The following TIFA variants were observed in gnomAD, a reference collection of about 807,000 sequenced individuals.
TIFA encodes TRAF interacting protein with forkhead associated domain.
For missense variants in TIFA, 186 were observed against 215.2 expected (o/e 0.86, Z 0.85); for synonymous variants, 75 against 79.2 (o/e 0.95, Z 0.28).
Position 112,277,686 on chromosome 4 carries a change from T to TCGCC in TIFA, c.*175_*176insGGCG. 2.5e-6 allele frequency: 1 copy of TCGCC among 406,674 alleles called. No individual in the cohort carries two copies. The highest frequency in any genetic ancestry group is 3.9e-6 in the Non-Finnish European group (1 of 255,574). The allele number at this position is 406,674 out of a possible 1,614,324, so 25.2% of individuals were successfully genotyped here. ...TTGTGTAGATCCAGAATACAACAGGTGACTAAGTTAATGACTAACACAATT... is the reference window on the plus strand; with the variant it reads ...TTGTGTAGATCCAGAATACAACAGGTCGCCGACTAAGTTAATGACTAACACAATT... On this transcript the variant is annotated 3_prime_UTR_variant, in exon 2 of 2. Coordinates refer to ENST00000361717, the MANE Select transcript of TIFA (RefSeq NM_052864.3).
Position 112,277,689 on chromosome 4 carries a change from C to CACCGTATCA in TIFA, c.*172_*173insTGATACGGT. The CACCGTATCA allele has an allele frequency of 2.2e-6, 1 of 445,520 alleles. No homozygotes were observed. Among genetic ancestry groups the CACCGTATCA allele is most frequent in the Non-Finnish European group, 3.6e-6 (1 of 280,962 alleles). The allele number at this position is 445,520 out of a possible 1,614,324, so 27.6% of individuals were successfully genotyped here. A position where few individuals can be genotyped will look rare whatever the true frequency, so the allele number is the denominator to read the frequency against. On this transcript the variant is annotated 3_prime_UTR_variant, in exon 2 of 2. Coordinates refer to ENST00000361717, the MANE Select transcript of TIFA (RefSeq NM_052864.3). ...TGTAGATCCAGAATACAACAGGTGA[C>CACCGTATCA]TAAGTTAATGACTAACACAATTTAC...
At chr4:112,283,687 A>T (rs1210955566) in intron 1 of TIFA, among the ~76,000 whole-genome samples, 1 of 152,232 alleles carries the variant, frequency 6.6e-6, no homozygotes, top group Admixed American at 6.5e-5. Flanking sequence ...TCAAAGAAAC[A>T]GGGCAACAAT....
rs188235192 is a variant in TIFA at position 112,277,050 on chromosome 4, T to C, written c.*812A>G. 1 of 152,318 alleles carries C rather than the reference T, an allele frequency of 6.6e-6. No homozygotes were observed. The highest frequency in any genetic ancestry group is 1.5e-5 in the Non-Finnish European group (1 of 68,022). The allele number at this position is 152,318 out of a possible 1,614,324, so 9.4% of individuals were successfully genotyped here. A position where few individuals can be genotyped will look rare whatever the true frequency, so the allele number is the denominator to read the frequency against. ...CTGTAAAGTGGCCCAAGAACAGTTA[T>C]TTCCCTTATTTAGAAAAAAATTCAA... On this transcript the variant is annotated 3_prime_UTR_variant, in exon 2 of 2. Transcript: ENST00000361717.
intron 1 of TIFA, among the ~76,000 whole-genome samples, chr4:112,282,998 C>A (rs945444928): frequency 5.9e-5 from 9 of 152,128 alleles, no homozygotes; most frequent in African/African-American, 2.2e-4. Context: ...AACTAACCTA[C>A]TTTTTGGTGA....
intron 1 of TIFA, among the ~76,000 whole-genome samples, chr4:112,279,856 G>A (rs1389043020): frequency 6.6e-6 from 1 of 151,918 alleles, no homozygotes; most frequent in Non-Finnish European, 1.5e-5. Context: ...TAGTAGAGAC[G>A]GAGTTTTGCC....
chr4:112,285,249 G>C lies in TIFA; in HGVS notation c.-19+391C>G, dbSNP rs547793929. On this transcript the variant is annotated intron_variant, in intron 1 of 1. Coordinates refer to ENST00000361717, the MANE Select transcript of TIFA (RefSeq NM_052864.3). The stretch of plus-strand genomic sequence containing the variant: ...CTCAGAAAGGTCTCGCTTGGCCACC[G>C]AGAGCGTGGGGCCGTAGCAGTTGGC... 5.9e-5 allele frequency among the ~76,000 whole-genome samples: 9 copies of C among 152,228 alleles called. No homozygotes were observed. The East Asian group carries it at 7.7e-4, about 13-fold the overall frequency.
intron 1 of TIFA, 106 bp from the exon 2 acceptor site, chr4:112,278,540 C>CT (rs1250223583): frequency 4.5e-6 from 4 of 882,360 alleles, no homozygotes. Flanking sequence ...TTTATCTGGA[C>CT]TTTAAGAAAA....
Position 112,284,600 on chromosome 4 carries a change from C to T in TIFA, c.-19+1040G>A, listed in dbSNP as rs1242153972. Among the ~76,000 whole-genome samples the T allele has an allele frequency of 4.6e-5, 7 of 151,954 alleles. No homozygotes were observed. In the East Asian group the frequency reaches 1.4e-3, roughly 29 times the overall value. Reference sequence around the variant, plus strand: ...GGTGAAAATGTTTACTTTCATTTCCCCCCAACCCCCTCGCCTCCCCAGTTC... The same window carrying T: ...GGTGAAAATGTTTACTTTCATTTCCTCCCAACCCCCTCGCCTCCCCAGTTC... On this transcript the variant is annotated intron_variant, in intron 1 of 1. Transcript: ENST00000361717.
Position 112,275,908 on chromosome 4 carries a change from C to A in TIFA, c.*1954G>T, listed in dbSNP as rs989382227. On this transcript the variant is annotated 3_prime_UTR_variant, in exon 2 of 2. Coordinates refer to ENST00000361717, the MANE Select transcript of TIFA (RefSeq NM_052864.3). Reference sequence around the variant, plus strand: ...GTATATACACTTCACTCATAGAACGCCTTTACCATGAGACTACACACTGTA... The same window carrying A: ...GTATATACACTTCACTCATAGAACGACTTTACCATGAGACTACACACTGTA... 3 of 152,062 alleles carry A rather than the reference C, an allele frequency of 2.0e-5. No individual in the cohort carries two copies. Among genetic ancestry groups the A allele is most frequent in the Non-Finnish European group, 4.4e-5 (3 of 68,024 alleles). The allele number at this position is 152,062 out of a possible 1,614,324, so 9.4% of individuals were successfully genotyped here. A position where few individuals can be genotyped will look rare whatever the true frequency, so the allele number is the denominator to read the frequency against.
At chr4:112,284,989 T>C (rs1438891838) in intron 1 of TIFA, among the ~76,000 whole-genome samples, 3 of 151,950 alleles carry the variant, frequency 2.0e-5, no homozygotes, top group African/African-American at 7.3e-5. Context: ...TCTCCCACTC[T>C]ACTTGACTGG....
chr4:112,282,182 G>T (rs1727240237), intron 1 of TIFA, among the ~76,000 whole-genome samples: 1 of 152,176 alleles, frequency 6.6e-6, no homozygotes, highest in African/African-American at 2.4e-5. Flanking sequence ...TGCCATCCAT[G>T]TAAGATGTGA....
intron 1 of TIFA, among the ~76,000 whole-genome samples, chr4:112,280,463 TC>T (rs1727207852): frequency 6.7e-6 from 1 of 149,224 alleles, no homozygotes; most frequent in Non-Finnish European, 1.5e-5. Flanking sequence ...AATTCTCCTG[TC>T]TCAGCCTCCC....
rs1024001788 is a variant in TIFA at position 112,274,986 on chromosome 4, A to G, written c.*2876T>C. ...CTCTCTACCTAAGGAGCCCCAGAAA[A>G]ATCACTTTCCAGGGACAAAGAAGTC... On this transcript the variant is annotated 3_prime_UTR_variant, in exon 2 of 2. Coordinates refer to ENST00000361717, the MANE Select transcript of TIFA (RefSeq NM_052864.3). 2 of 152,132 alleles carry G rather than the reference A, an allele frequency of 1.3e-5. No homozygotes were observed. The highest frequency in any genetic ancestry group is 1.3e-4 in the Admixed American group (2 of 15,276). 9.4% of individuals were successfully genotyped at this position (152,132 alleles called of 1,614,324 possible).
chr4:112,285,207 C>T (rs2110508312), intron 1 of TIFA, among the ~76,000 whole-genome samples: 1 of 152,156 alleles, frequency 6.6e-6, no homozygotes, highest in East Asian at 1.9e-4. Flanking sequence ...CTCGGCACTC[C>T]AGGGAGCCCA....
At chr4:112,282,841 ACTT>A (rs1216183958) in intron 1 of TIFA, among the ~76,000 whole-genome samples, 1 of 152,152 alleles carries the variant, frequency 6.6e-6, no homozygotes, top group Non-Finnish European at 1.5e-5. Flanking sequence ...AAAGAGGCCC[ACTT>A]TCTGCTCCAA....
intron 1 of TIFA, among the ~76,000 whole-genome samples, chr4:112,284,392 T>C (rs990935845): frequency 1.5e-4 from 23 of 152,064 alleles, no homozygotes; most frequent in Non-Finnish European, 2.9e-4. Flanking sequence ...GTGTTCGGCC[T>C]TAAAATGCCA....
chr4:112,281,899 G>A (rs1478759249), intron 1 of TIFA: 4 of 152,158 alleles, frequency 2.6e-5, no homozygotes, highest in African/African-American at 9.7e-5. Flanking sequence ...CTATATCAGA[G>A]CCTGAGCTGA....
intron 1 of TIFA, among the ~76,000 whole-genome samples, chr4:112,284,234 T>C (rs1410802701): frequency 6.6e-6 from 1 of 151,988 alleles, no homozygotes; most frequent in African/African-American, 2.4e-5. Flanking sequence ...TGGATACGTG[T>C]AGAGGTGCTA....
rs772116364 is a variant in TIFA at position 112,276,666 on chromosome 4, C to T, written c.*1196G>A. Reference sequence around the variant, plus strand: ...GGGTGCTGGACATCACATACTACTGCCCAGGAATAGACTGACAGTCTGAAT... The same window carrying T: ...GGGTGCTGGACATCACATACTACTGTCCAGGAATAGACTGACAGTCTGAAT... On this transcript the variant is annotated 3_prime_UTR_variant, in exon 2 of 2. Coordinates refer to ENST00000361717, the MANE Select transcript of TIFA (RefSeq NM_052864.3). 2 of 152,158 alleles carry T rather than the reference C, an allele frequency of 1.3e-5. No homozygotes were observed. The highest frequency in any genetic ancestry group is 2.9e-5 in the Non-Finnish European group (2 of 68,048). 9.4% of individuals were successfully genotyped at this position (152,158 alleles called of 1,614,324 possible).
Sources: allele counts gnomAD v4.1 joint callset (sites outside exome capture counted in the v4.1 genomes callset), GRCh38; gene constraint gnomAD v4.1.1; transcripts MANE v1.5; gene names NCBI Gene and HGNC (gene_info 2026-07-23, HGNC 2026-07-21).